Variants in PDE1C observed in about 807,000 individuals in gnomAD.
The protein encoded by PDE1C is phosphodiesterase 1C.
Under a neutral mutation model 93.1 loss-of-function variants are expected in PDE1C, and 62 were observed. The observed-to-expected ratio is 0.67, with a 90% CI of 0.54 to 0.82. PDE1C has a LOEUF of 0.82. PDE1C is among the 40% of genes least tolerant of loss of function. The pLI, the probability that PDE1C is intolerant of heterozygous loss-of-function variation, is 0.00. For synonymous variants in PDE1C, 325 were observed against 310.1 expected, an observed-to-expected ratio of 1.05 and a Z score of -0.50; for missense variants, 742 against 884.6, an observed-to-expected ratio of 0.84 and a Z score of 2.04.
chr7:31,658,848 T>G, the PDE1C span: 1 of 152,484 alleles, frequency 6.6e-6, no homozygotes, highest in Non-Finnish European at 1.5e-5. Context: ...AGATTTTTCC[T>G]TTTTGAGTAC....
chr7:31,620,742 G>C, the PDE1C span, among the ~76,000 whole-genome samples: 3 of 152,162 alleles, frequency 2.0e-5, no homozygotes, highest in Admixed American at 2.0e-4. Flanking sequence ...CACCAGCAAT[G>C]GAACAAAGCT....
chr7:32,004,254 GA>G (rs34894441), intron 2 of PDE1C, among the ~76,000 whole-genome samples: 1 of 150,318 alleles, frequency 6.7e-6, no homozygotes, highest in Non-Finnish European at 1.5e-5. Flanking sequence ...CAAAAAACCT[GA>G]AAAAAAAACC....
At chr7:32,104,693 G>T (rs1395321163) in intron 3 of PDE1C, among the ~76,000 whole-genome samples, 1 of 152,112 alleles carries the variant, frequency 6.6e-6, no homozygotes, top group Non-Finnish European at 1.5e-5. Flanking sequence ...CTGAATCTTT[G>T]TTTACCAGAA....
At chr7:32,369,089 A>AT (rs1184166495) in intron 1 of PDE1C, among the ~76,000 whole-genome samples, 4 of 152,204 alleles carry the variant, frequency 2.6e-5, no homozygotes, top group Non-Finnish European at 4.4e-5. Flanking sequence ...CTGGGAAAAG[A>AT]TTTTATGAAT....
intron 17 of PDE1C, among the ~76,000 whole-genome samples, chr7:31,769,338 C>T (rs914481479): frequency 2.0e-5 from 3 of 152,196 alleles, no homozygotes. Flanking sequence ...ATCAGCTTCT[C>T]ATAGCATTTA....
At chr7:31,779,372 T>C (rs144414336) in intron 16 of PDE1C, among the ~76,000 whole-genome samples, 27 of 152,314 alleles carry the variant, frequency 1.8e-4, no homozygotes, top group African/African-American at 5.8e-4. Flanking sequence ...GGTTATTTCA[T>C]AGAAATGCTT....
chr7:32,309,964 T>C (rs1243966722), intron 1 of PDE1C, among the ~76,000 whole-genome samples: 1 of 152,134 alleles, frequency 6.6e-6, no homozygotes, highest in Non-Finnish European at 1.5e-5. Context: ...GCAAATTGGA[T>C]AAAGAGTTAA....
At chr7:32,040,403 T>C (rs989336686) in intron 2 of PDE1C, among the ~76,000 whole-genome samples, 4 of 152,220 alleles carry the variant, frequency 2.6e-5, no homozygotes, top group East Asian at 1.9e-4. Flanking sequence ...GCAGTATCCA[T>C]GGTCTCTATT....
chr7:31,967,372 A>C (rs1810174157), intron 2 of PDE1C, among the ~76,000 whole-genome samples: 4 of 152,216 alleles, frequency 2.6e-5, no homozygotes, highest in Admixed American at 1.3e-4. Context: ...GAAATGGATA[A>C]ATTCCTTGAC....
intron 3 of PDE1C, among the ~76,000 whole-genome samples, chr7:32,156,714 A>G (rs1801596825): frequency 6.6e-6 from 1 of 152,220 alleles, no homozygotes; most frequent in Non-Finnish European, 1.5e-5. Flanking sequence ...TTACAGTCAA[A>G]TATCATCCAA....
chr7:31,696,460 T>A, the PDE1C span, among the ~76,000 whole-genome samples: 1 of 152,218 alleles, frequency 6.6e-6, no homozygotes, highest in African/African-American at 2.4e-5. Context: ...TGCAAGAGGC[T>A]GTTTTTAGAG....
At chr7:31,959,455 C>T (rs928986684) in intron 2 of PDE1C, among the ~76,000 whole-genome samples, 2 of 152,168 alleles carry the variant, frequency 1.3e-5, no homozygotes, top group Admixed American at 1.3e-4. Flanking sequence ...CTCAAGTGAT[C>T]CACCCTCTTC....
At chr7:31,758,207 A>G (rs1302877522) in intron 17 of PDE1C, among the ~76,000 whole-genome samples, 2 of 152,168 alleles carry the variant, frequency 1.3e-5, no homozygotes, top group African/African-American at 4.8e-5. Flanking sequence ...ATGACGAGTT[A>G]ATGGGTGCAG....
At chr7:32,242,361 A>T (rs1808605636) in intron 1 of PDE1C, among the ~76,000 whole-genome samples, 1 of 152,178 alleles carries the variant, frequency 6.6e-6, no homozygotes, top group African/African-American at 2.4e-5. Flanking sequence ...CTGGGAGCAA[A>T]GAAAGGAGTA....
chr7:32,347,712 G>A (rs1042775452), intron 1 of PDE1C, among the ~76,000 whole-genome samples: 1 of 152,154 alleles, frequency 6.6e-6, no homozygotes, highest in African/African-American at 2.4e-5. Context: ...TTTCAGAGAA[G>A]TCTTTATTTG....
chr7:32,379,913 T>G (rs1398901254), intron 1 of PDE1C, among the ~76,000 whole-genome samples: 1 of 152,188 alleles, frequency 6.6e-6, no homozygotes, highest in Admixed American at 6.5e-5. Flanking sequence ...TTGCCAGGAC[T>G]CCTCTGCTGG....
At chr7:32,421,036 G>C (rs1238786093) in intron 1 of PDE1C, among the ~76,000 whole-genome samples, 1 of 151,820 alleles carries the variant, frequency 6.6e-6, no homozygotes, top group African/African-American at 2.4e-5. Context: ...CACCACAGAG[G>C]GGTAGTTTTC....
chr7:32,252,704 C>T (rs11773343), intron 1 of PDE1C, among the ~76,000 whole-genome samples: 44,013 of 151,984 alleles, frequency 0.29, 6,828 homozygotes, highest in East Asian at 0.45. Context: ...CCTCAGGCCT[C>T]GCAGCCCAGT....
chr7:31,728,562 T>C, the PDE1C span, among the ~76,000 whole-genome samples: 1 of 152,240 alleles, frequency 6.6e-6, no homozygotes, highest in African/African-American at 2.4e-5. Flanking sequence ...TTATATTCAT[T>C]CATGTGTTTA....
Sources: gnomAD v4.1 joint callset for allele counts (sites outside exome capture counted in the v4.1 genomes callset) on GRCh38, gnomAD v4.1.1 for gene constraint, MANE v1.5 for transcripts, NCBI Gene and HGNC (gene_info 2026-07-23, HGNC 2026-07-21) for gene names.